Variants in CSMD3 observed in about 807,000 individuals in gnomAD.
CSMD3 encodes CUB and Sushi multiple domains 3, also known as CUB and sushi domain-containing protein 3.
Under a neutral mutation model 435.2 loss-of-function variants are expected in CSMD3, and 177 were observed. The ratio of observed to expected loss-of-function variants is 0.41; its 90% CI spans 0.36 to 0.46. CSMD3 has a LOEUF of 0.46. Ranked by LOEUF, CSMD3 falls within the 20% of genes least tolerant of loss-of-function variation. The pLI, the probability that CSMD3 is intolerant of heterozygous loss-of-function variation, is 0.34. For synonymous variants in CSMD3, 1,656 were observed against 1,520.5 expected, an observed-to-expected ratio of 1.09 and a Z score of -2.07; for missense variants, 4,265 against 4,504.6, an observed-to-expected ratio of 0.95 and a Z score of 1.52.
intron 10 of CSMD3, among the ~76,000 whole-genome samples, chr8:112,890,527 T>C (rs1443608616): frequency 6.6e-6 from 1 of 151,698 alleles, no homozygotes; most frequent in Non-Finnish European, 1.5e-5. Flanking sequence ...GATAAGCCCA[T>C]GCTACTGCAG....
At chr8:113,400,537 G>A (rs145273727) in intron 1 of CSMD3, among the ~76,000 whole-genome samples, 8 of 151,950 alleles carry the variant, frequency 5.3e-5, no homozygotes, top group African/African-American at 1.4e-4. Flanking sequence ...TGCTACAGAC[G>A]TTCTTCAATG....
intron 1 of CSMD3, among the ~76,000 whole-genome samples, chr8:113,426,488 C>CA (rs1232334292): frequency 6.7e-6 from 1 of 149,258 alleles, no homozygotes; most frequent in East Asian, 2.0e-4. Context: ...TGTAAACAAG[C>CA]AAAAAAGATA....
intron 4 of CSMD3, among the ~76,000 whole-genome samples, chr8:113,162,571 C>CAA (rs753811903): frequency 0.011 from 658 of 59,752 alleles, 11 homozygotes; most frequent in African/African-American, 0.04. Flanking sequence ...GTCCCCACAT[C>CAA]AAAAAAAAAA....
Position 113,352,437 on chromosome 8 carries a change from A to C in CSMD3, c.179-37644T>G, listed in dbSNP as rs145780861. Reference sequence around the variant, plus strand: ...CTTCAGAAGGAGCACGCCCTTGCTAACATCTTGACTTCAGACTTGGCCTCC... The same window carrying C: ...CTTCAGAAGGAGCACGCCCTTGCTACCATCTTGACTTCAGACTTGGCCTCC... On this transcript the variant is annotated intron_variant, in intron 1 of 70. Coordinates refer to ENST00000297405, the MANE Select transcript of CSMD3 (RefSeq NM_198123.2). 5.0e-3 allele frequency among the ~76,000 whole-genome samples: 767 copies of C among 152,164 alleles called. 7 individuals carry two copies. The Middle Eastern group carries it at 0.092, about 18-fold the overall frequency.
At chr8:112,231,321 A>G (rs1218980156) in intron 69 of CSMD3, among the ~76,000 whole-genome samples, 1 of 152,206 alleles carries the variant, frequency 6.6e-6, no homozygotes, top group Non-Finnish European at 1.5e-5. Flanking sequence ...TATTTATTAG[A>G]AATACCATGA....
At chr8:113,357,731 G>A (rs545508854) in intron 1 of CSMD3, among the ~76,000 whole-genome samples, 2 of 152,296 alleles carry the variant, frequency 1.3e-5, no homozygotes, top group African/African-American at 4.8e-5. Flanking sequence ...GATCATGGGG[G>A]CAGATTTCCC....
intron 32 of CSMD3, among the ~76,000 whole-genome samples, chr8:112,419,639 G>A (rs550326764): frequency 3.3e-4 from 50 of 152,206 alleles, no homozygotes; most frequent in Non-Finnish European, 4.9e-4. Context: ...TTTCTCTAAA[G>A]CTAGATTTCT....
intron 12 of CSMD3, among the ~76,000 whole-genome samples, chr8:112,804,156 A>G (rs2079025412): frequency 6.6e-6 from 1 of 152,188 alleles, no homozygotes; most frequent in South Asian, 2.1e-4. Flanking sequence ...AGGCTTTCTC[A>G]GAATCTACCG....
At chr8:112,785,054 A>G (rs551099134) in intron 13 of CSMD3, among the ~76,000 whole-genome samples, 5 of 151,994 alleles carry the variant, frequency 3.3e-5, no homozygotes, top group African/African-American at 9.7e-5. Context: ...CATTAAAGAG[A>G]TCATTCATTA....
At chr8:112,300,448 T>C (rs1031673287) in intron 53 of CSMD3, among the ~76,000 whole-genome samples, 10 of 151,994 alleles carry the variant, frequency 6.6e-5, no homozygotes, top group Admixed American at 1.3e-4. Context: ...TATAATCACA[T>C]ATTAATACAT....
intron 13 of CSMD3, among the ~76,000 whole-genome samples, chr8:112,735,940 T>G (rs143484246): frequency 6.6e-6 from 1 of 152,156 alleles, no homozygotes; most frequent in African/African-American, 2.4e-5. Flanking sequence ...CTAAAATTTT[T>G]AATTATACAT....
intron 32 of CSMD3, among the ~76,000 whole-genome samples, chr8:112,459,203 C>T (rs1418344859): frequency 6.6e-6 from 1 of 152,024 alleles, no homozygotes; most frequent in Non-Finnish European, 1.5e-5. Context: ...TCTCATCCTT[C>T]GATTTTCAGC....
intron 22 of CSMD3, among the ~76,000 whole-genome samples, chr8:112,629,025 G>C (rs2074435044): frequency 6.6e-6 from 1 of 152,072 alleles, no homozygotes; most frequent in African/African-American, 2.4e-5. Flanking sequence ...TAAGGAAAAA[G>C]GCACAAGAAT....
chr8:113,011,520 T>C (rs2086255607), intron 6 of CSMD3, among the ~76,000 whole-genome samples: 1 of 151,776 alleles, frequency 6.6e-6, no homozygotes, highest in Non-Finnish European at 1.5e-5. Flanking sequence ...AGGAGGTATA[T>C]AAAAAGATTG....
At chr8:112,545,467 A>G (rs1438534089) in intron 27 of CSMD3, among the ~76,000 whole-genome samples, 3 of 125,682 alleles carry the variant, frequency 2.4e-5, no homozygotes, top group Non-Finnish European at 4.8e-5. Flanking sequence ...TGGGCGACAG[A>G]GCGAGACTCC....
intron 39 of CSMD3, among the ~76,000 whole-genome samples, 176 bp from the exon 40 acceptor site, chr8:112,351,420 C>T (rs1040901210): frequency 2.6e-5 from 4 of 151,668 alleles, no homozygotes; most frequent in Admixed American, 2.0e-4. Context: ...TTATATACAC[C>T]TATGATAAAA....
chr8:113,319,863 A>T (rs2093937314), intron 1 of CSMD3, among the ~76,000 whole-genome samples: 1 of 152,052 alleles, frequency 6.6e-6, no homozygotes, highest in Non-Finnish European at 1.5e-5. Context: ...GTTCTCATAA[A>T]TCTACAATTC....
At chr8:112,329,764 T>C (rs1205594735) in intron 45 of CSMD3, among the ~76,000 whole-genome samples, 8 of 152,282 alleles carry the variant, frequency 5.3e-5, no homozygotes, top group South Asian at 2.1e-4. Flanking sequence ...CAGTGAAGTG[T>C]CAAAAGATAG....
At chr8:112,298,218 C>G (rs1820532768) in intron 53 of CSMD3, among the ~76,000 whole-genome samples, 1 of 151,746 alleles carries the variant, frequency 6.6e-6, no homozygotes, top group African/African-American at 2.4e-5. Context: ...GTTTCATAAA[C>G]TAATATAAGA....
Sources: allele counts gnomAD v4.1 joint callset (sites outside exome capture counted in the v4.1 genomes callset), GRCh38; gene constraint gnomAD v4.1.1; transcripts MANE v1.5; gene names NCBI Gene and HGNC (gene_info 2026-07-23, HGNC 2026-07-21).